SARNP: variants seen among roughly 807,000 people sequenced by gnomAD.
SARNP encodes SAP domain containing ribonucleoprotein.
In SARNP, 5 loss-of-function variants were observed where a neutral mutation model predicts 38.1. That is an observed-to-expected ratio of 0.13 (90% CI 0.07 to 0.28). SARNP has a LOEUF of 0.28. Among genes scored for constraint, SARNP ranks in the 10% least tolerant of loss-of-function variants. The pLI, the probability that SARNP is intolerant of heterozygous loss-of-function variation, is 1.00. For missense variants in SARNP, 180 were observed against 243.9 expected (o/e 0.74, Z 1.75); for synonymous variants, 84 against 80.6 (o/e 1.04, Z -0.23).
At chr12:55,805,017 A>G (rs1251304827) in intron 1 of SARNP, among the ~76,000 whole-genome samples, 1 of 152,188 alleles carries the variant, frequency 6.6e-6, no homozygotes, top group Admixed American at 6.5e-5. Context: ...TAATCCCAGC[A>G]CTTTGGGAGG....
downstream of SARNP, chr12:55,757,179 C>G: frequency 5.3e-6 from 1 of 188,354 alleles, no homozygotes; most frequent in Non-Finnish European, 1.1e-5. Flanking sequence ...GGTATTATGG[C>G]CAATTCTCTA....
At chr12:55,813,965 G>A (rs1010388243) in intron 1 of SARNP, among the ~76,000 whole-genome samples, 3 of 152,158 alleles carry the variant, frequency 2.0e-5, no homozygotes, top group East Asian at 1.9e-4. Flanking sequence ...TACCTTACAG[G>A]GTTATTATGA....
At chr12:55,801,467 G>A (rs1185587228) in intron 2 of SARNP, among the ~76,000 whole-genome samples, 1 of 151,908 alleles carries the variant, frequency 6.6e-6, no homozygotes, top group African/African-American at 2.4e-5. Context: ...AAAAGTATGT[G>A]GAAAAGTATC....
chr12:55,782,595 A>T (rs548036707), intron 9 of SARNP, among the ~76,000 whole-genome samples: 1 of 152,064 alleles, frequency 6.6e-6, no homozygotes, highest in Non-Finnish European at 1.5e-5. Flanking sequence ...CTTTTTTAAA[A>T]TTTTTTAGGG....
chr12:55,774,584 AAAAAAAAAC>A lies in SARNP; in HGVS notation c.502-13953_502-13945del, dbSNP rs1565673578. Among the ~76,000 whole-genome samples, 32 of 148,772 alleles carry A rather than the reference AAAAAAAAAC, an allele frequency of 2.2e-4. 3 individuals carry two copies. Among genetic ancestry groups the A allele is most frequent in the African/African-American group, 7.8e-4 (31 of 39,646 alleles). ...GAAAAAAAAAAAAAAACAAACAAAA[AAAAAAAAAC>A]AAAAATTAGCCAGGTGTGGCGGCAT... On this transcript the variant is annotated intron_variant, in intron 9 of 10. Coordinates refer to ENST00000336133, the MANE Select transcript of SARNP (RefSeq NM_033082.4).
chr12:55,797,635 G>C (rs1879857634), intron 4 of SARNP, among the ~76,000 whole-genome samples: 2 of 152,192 alleles, frequency 1.3e-5, no homozygotes, highest in South Asian at 4.1e-4. Context: ...AGTCAATGCA[G>C]TGCACATCAT....
intron 10 of SARNP, among the ~76,000 whole-genome samples, chr12:55,759,090 C>G (rs1030407559): frequency 2.0e-5 from 3 of 151,860 alleles, no homozygotes; most frequent in African/African-American, 4.8e-5. Context: ...CTATGTTGCC[C>G]AGGCTAGTCT....
intron 1 of SARNP, among the ~76,000 whole-genome samples, chr12:55,816,210 C>T (rs1880478787): frequency 1.3e-5 from 2 of 152,168 alleles, no homozygotes. Context: ...AAAAATAGGA[C>T]AAATAGGAAG....
At chr12:55,767,011 T>C (rs1173524636) in intron 9 of SARNP, among the ~76,000 whole-genome samples, 1 of 152,144 alleles carries the variant, frequency 6.6e-6, no homozygotes, top group Non-Finnish European at 1.5e-5. Context: ...CATTGTAGAA[T>C]ACAGTTCCAA....
intron 4 of SARNP, among the ~76,000 whole-genome samples, chr12:55,799,047 GCA>G (rs771575643): frequency 6.6e-5 from 10 of 152,266 alleles, no homozygotes; most frequent in Non-Finnish European, 1.2e-4. Context: ...AATCAAGTGT[GCA>G]CAGTGTGTGT....
chr12:55,804,133 C>T (rs994209861), intron 1 of SARNP, among the ~76,000 whole-genome samples: 2 of 152,134 alleles, frequency 1.3e-5, no homozygotes, highest in African/African-American at 4.8e-5. Flanking sequence ...TTCTCCTTAC[C>T]ACTTATTATC....
chr12:55,799,559 C>CTTTTTTTTTT lies in SARNP; in HGVS notation c.251+993_251+1002dup, dbSNP rs10529763. On this transcript the variant is annotated intron_variant, in intron 4 of 10. Transcript: ENST00000336133. ...AAACTCCTTTATATAGAGTGTCACA[C>CTTTTTTTTTT]TTTTTTTTTTTTTTTTCCCGAGACA... 4.5e-5 allele frequency among the ~76,000 whole-genome samples: 5 copies of CTTTTTTTTTT among 112,232 alleles called. 1 individual carries two copies. Among genetic ancestry groups the CTTTTTTTTTT allele is most frequent in the East Asian group, 5.2e-4 (2 of 3,872 alleles). 73.6% of individuals were successfully genotyped at this position (112,232 alleles called of 152,430 possible).
chr12:55,774,847 C>CCAAATATA (rs1413341540), intron 9 of SARNP, among the ~76,000 whole-genome samples: 1 of 151,190 alleles, frequency 6.6e-6, no homozygotes. Flanking sequence ...GTTACAAACT[C>CCAAATATA]CAAATATACA....
chr12:55,765,346 C>T (rs2136179197), intron 9 of SARNP, among the ~76,000 whole-genome samples: 1 of 152,206 alleles, frequency 6.6e-6, no homozygotes, highest in East Asian at 1.9e-4. Flanking sequence ...CCACCTGCCT[C>T]GCTGCCCACG....
intron 9 of SARNP, among the ~76,000 whole-genome samples, chr12:55,787,506 G>A (rs1268941644): frequency 2.0e-5 from 3 of 151,444 alleles, no homozygotes; most frequent in Non-Finnish European, 2.9e-5. Context: ...GCACGATCTC[G>A]GCTCACTACA....
At chr12:55,813,734 G>A (rs537302012) in intron 1 of SARNP, among the ~76,000 whole-genome samples, 53 of 152,142 alleles carry the variant, frequency 3.5e-4, no homozygotes, top group African/African-American at 1.3e-3. Flanking sequence ...AATAGTGACG[G>A]GGTTTCTCCA....
intron 10 of SARNP, among the ~76,000 whole-genome samples, chr12:55,758,846 A>G (rs1049745890): frequency 6.6e-6 from 1 of 152,030 alleles, no homozygotes; most frequent in African/African-American, 2.4e-5. Flanking sequence ...TCTTTTCTTC[A>G]TAAGTTACCT....
At position 55,812,140 on chromosome 12, in the gene SARNP, T is replaced by G. The variant is rs568324903; in HGVS notation, c.36+5526A>C. On this transcript the variant is annotated intron_variant, in intron 1 of 10. Transcript: ENST00000336133. ...TCCCCTACCATTACCTTATTACCATTGCTCACTCTGATAAGCCAAACTGGT... is the reference window on the plus strand; with the variant it reads ...TCCCCTACCATTACCTTATTACCATGGCTCACTCTGATAAGCCAAACTGGT... Among the ~76,000 whole-genome samples, 4 of 152,328 alleles carry G rather than the reference T, an allele frequency of 2.6e-5. No homozygotes were observed. In the South Asian group the frequency reaches 8.3e-4, roughly 32 times the overall value.
intron 7 of SARNP, among the ~76,000 whole-genome samples, chr12:55,791,466 G>A (rs918235924): frequency 7.2e-5 from 11 of 152,096 alleles, no homozygotes; most frequent in African/African-American, 1.4e-4. Context: ...AGGCCAAGGC[G>A]GGTGGATCAC....
Sources: gnomAD v4.1 joint callset for allele counts (sites outside exome capture counted in the v4.1 genomes callset) on GRCh38, gnomAD v4.1.1 for gene constraint, MANE v1.5 for transcripts, NCBI Gene and HGNC (gene_info 2026-07-23, HGNC 2026-07-21) for gene names.